DYNC2H1: variants seen among roughly 807,000 people sequenced by gnomAD.
The protein encoded by DYNC2H1 is cytoplasmic dynein 2 heavy chain 1.
In DYNC2H1, 410 loss-of-function variants were observed where a neutral mutation model predicts 570.0. The observed-to-expected ratio is 0.72, with a 90% CI of 0.66 to 0.78. The LOEUF (loss-of-function observed/expected upper bound fraction) is 0.78. Among genes scored for constraint, DYNC2H1 ranks in the 30% least tolerant of loss-of-function variants. DYNC2H1 has a pLI of 0.00. For synonymous variants in DYNC2H1, 1,688 were observed against 1,677.6 expected (o/e 1.01, Z -0.15); for missense variants, 4,865 against 5,046.4 (o/e 0.96, Z 1.09).
intron 5 of DYNC2H1, among the ~76,000 whole-genome samples, chr11:103,117,404 G>A (rs1336063700): frequency 6.6e-6 from 1 of 151,312 alleles, no homozygotes; most frequent in Non-Finnish European, 1.5e-5. Flanking sequence ...AAGGTGTAAT[G>A]GTATATTGAA....
chr11:103,287,781 G>A, intron 75 of DYNC2H1, 176 bp downstream of exon 75: 1 of 595,146 alleles, frequency 1.7e-6, no homozygotes, highest in Non-Finnish European at 2.8e-6. Context: ...GCTGGGCATG[G>A]TGGCTCATTC....
At chr11:103,426,238 C>T (rs1943667930) in intron 84 of DYNC2H1, among the ~76,000 whole-genome samples, 1 of 152,180 alleles carries the variant, frequency 6.6e-6, no homozygotes. Context: ...ATGCTTATCA[C>T]TGGCTTGCTG....
At chr11:103,274,537 A>G (rs1865835512) in intron 70 of DYNC2H1, among the ~76,000 whole-genome samples, 2 of 152,146 alleles carry the variant, frequency 1.3e-5, no homozygotes, top group South Asian at 2.1e-4. Context: ...CATTTTAAAG[A>G]TTCATTAATT....
intron 69 of DYNC2H1, among the ~76,000 whole-genome samples, chr11:103,258,289 A>T (rs1026006770): frequency 1.3e-5 from 2 of 152,232 alleles, no homozygotes; most frequent in African/African-American, 4.8e-5. Flanking sequence ...CCTACCAGTG[A>T]ATATAAACTT....
intron 4 of DYNC2H1, 70 bp from the exon 5 acceptor site, chr11:103,116,500 G>T (rs1858402184): frequency 1.6e-6 from 2 of 1,263,900 alleles, no homozygotes; most frequent in Non-Finnish European, 2.1e-6. Context: ...AAAAGGCCTG[G>T]GAACATTTTG....
intron 1 of DYNC2H1, among the ~76,000 whole-genome samples, chr11:103,113,058 T>C (rs1235287023): frequency 6.6e-6 from 1 of 152,200 alleles, no homozygotes. Context: ...TAGTTTTGAG[T>C]GCATGTATAA....
intron 83 of DYNC2H1, among the ~76,000 whole-genome samples, chr11:103,399,405 G>A (rs950179294): frequency 2.7e-4 from 40 of 149,552 alleles, no homozygotes; most frequent in African/African-American, 8.9e-4. Context: ...CTCCACCTGC[G>A]TTGGCCCCCC....
rs940406700 is a variant in DYNC2H1 at position 103,235,890 on chromosome 11, A to G, written c.9709+77A>G. 28 of 1,553,926 alleles carry G rather than the reference A, an allele frequency of 1.8e-5. No individual in the cohort carries two copies. The Admixed American group carries it at 4.9e-4, about 27-fold the overall frequency. ...AATTTAAAATTTCAATATACTAAAA[A>G]TAGACCCTTTATTCTCTGTTATTTT... On this transcript the variant is annotated intron_variant, in intron 62 of 88. Transcript: ENST00000375735.
intron 13 of DYNC2H1, among the ~76,000 whole-genome samples, chr11:103,131,582 C>T (rs1859274624): frequency 6.6e-6 from 1 of 151,922 alleles, no homozygotes; most frequent in Non-Finnish European, 1.5e-5. Context: ...AAAGAAATAA[C>T]TTCCTTTAGC....
At chr11:103,140,721 C>A (rs1367895295) in intron 17 of DYNC2H1, among the ~76,000 whole-genome samples, 1 of 152,112 alleles carries the variant, frequency 6.6e-6, no homozygotes, top group Non-Finnish European at 1.5e-5. Flanking sequence ...TTGTGACATT[C>A]TCTGTATTTC....
chr11:103,242,269 TACAC>T (rs1864451627), intron 63 of DYNC2H1, among the ~76,000 whole-genome samples: 1 of 152,200 alleles, frequency 6.6e-6, no homozygotes, highest in South Asian at 2.1e-4. Flanking sequence ...ATGTATAAGT[TACAC>T]ACAGTAAGAG....
chr11:103,381,629 A>T (rs2671388), intron 83 of DYNC2H1, among the ~76,000 whole-genome samples: 2 of 151,854 alleles, frequency 1.3e-5, no homozygotes, highest in East Asian at 3.9e-4. Flanking sequence ...TTGTATTTTT[A>T]GTAGAGATGG....
intron 84 of DYNC2H1, among the ~76,000 whole-genome samples, chr11:103,434,427 T>C (rs928478160): frequency 1.0e-5 from 1 of 97,612 alleles, no homozygotes; most frequent in Non-Finnish European, 2.0e-5. Flanking sequence ...TTCCTTCCTT[T>C]TTTTTTTTTT....
intron 80 of DYNC2H1, 51 bp downstream of exon 80, chr11:103,316,671 A>G: frequency 7.5e-7 from 1 of 1,326,326 alleles, no homozygotes; most frequent in Non-Finnish European, 1.0e-6. Flanking sequence ...ATTTTATCTG[A>G]GGTCTTATTA....
At position 103,179,022 on chromosome 11, in the gene DYNC2H1, A is replaced by C; in HGVS notation, c.6140-4A>C. The C allele has an allele frequency of 1.9e-6, 3 of 1,600,412 alleles. No individual in the cohort carries two copies. The highest frequency in any genetic ancestry group is 2.6e-6 in the Non-Finnish European group (3 of 1,170,682). On this transcript the variant is annotated splice_polypyrimidine_tract_variant and splice_region_variant and intron_variant, in intron 38 of 88. Transcript: ENST00000375735. ...TTGTCTCCACTGTTTTGATTTGAAA[A>C]TAGATGTCAGCTCATGGATAATCTG... is the stretch of plus-strand genomic sequence containing the variant.
chr11:103,332,947 G>A (rs908447010), intron 82 of DYNC2H1, among the ~76,000 whole-genome samples: 2 of 151,646 alleles, frequency 1.3e-5, no homozygotes, highest in Non-Finnish European at 2.9e-5. Flanking sequence ...AGGTTACAGT[G>A]AGCCGAGATC....
intron 47 of DYNC2H1, among the ~76,000 whole-genome samples, chr11:103,195,002 G>T (rs570154884): frequency 6.6e-6 from 1 of 152,212 alleles, no homozygotes; most frequent in African/African-American, 2.4e-5. Flanking sequence ...ACAGGCATGA[G>T]CCACTGCAGC....
In DYNC2H1 at chr11:103,155,488, C is replaced by G; in HGVS notation, c.3731C>G (p.Ala1244Gly). The change falls in exon 25 of 89, where the codon GCT becomes GGT. Residue 1244 changes from alanine (A) to glycine (G), a missense_variant. Ala to Gly is a moderately conservative substitution (Grantham distance 60). This residue lies in a region of DYNC2H1 where 1,936 missense variants were observed against 1,962.1 expected (regional missense o/e 0.99). Transcript: ENST00000375735. ...LRVADTIVAK[A>G]ADLKDLNSRA... is the part of the protein sequence containing the mutation. ...GTAGCTGATACAATTGTAGCCAAAG[C>G]TGCCGACCTTAAAGTATGAATCACT... 1 of 1,608,478 alleles carries G rather than the reference C, an allele frequency of 6.2e-7. No individual in the cohort carries two copies. The highest frequency in any genetic ancestry group is 8.5e-7 in the Non-Finnish European group (1 of 1,177,704).
intron 59 of DYNC2H1, among the ~76,000 whole-genome samples, chr11:103,230,391 T>C (rs1375056212): frequency 1.3e-5 from 2 of 152,104 alleles, no homozygotes; most frequent in Non-Finnish European, 2.9e-5. Context: ...TTTGTGGGTA[T>C]TTTGAGAGGA....
Sources: allele counts gnomAD v4.1 joint callset (sites outside exome capture counted in the v4.1 genomes callset), GRCh38; gene constraint gnomAD v4.1.1; regional missense constraint gnomAD v4.1.1; transcripts MANE v1.5; gene names NCBI Gene and HGNC (gene_info 2026-07-23, HGNC 2026-07-21).